CD63: variants seen among roughly 807,000 people sequenced by gnomAD.
CD63 encodes CD63 molecule.
Under a neutral mutation model 29.2 loss-of-function variants are expected in CD63, and 16 were observed. That is an observed-to-expected ratio of 0.55 (90% CI 0.37 to 0.83). CD63 has a LOEUF of 0.83. CD63 is among the 40% of genes least tolerant of loss of function. The probability of loss-of-function intolerance (pLI) is 0.00; values close to 1 mark genes in which losing one functional copy is unlikely to be tolerated. For synonymous variants in CD63, 118 were observed against 111.7 expected, an observed-to-expected ratio of 1.06 and a Z score of -0.36; for missense variants, 251 against 297.3, an observed-to-expected ratio of 0.84 and a Z score of 1.15.
downstream of CD63, chr12:55,724,089 C>T: frequency 6.3e-7 from 1 of 1,594,910 alleles, no homozygotes; most frequent in Non-Finnish European, 8.5e-7. Context: ...TGAAGGGAAA[C>T]AAGTACCAGA....
chr12:55,728,021 G>T lies in CD63; in HGVS notation c.66+255C>A. The T allele has an allele frequency of 2.2e-6, 2 of 913,450 alleles. No individual in the cohort carries two copies. The highest frequency in any genetic ancestry group is 3.1e-6 in the Non-Finnish European group (2 of 644,018). 56.6% of individuals were successfully genotyped at this position (913,450 alleles called of 1,614,324 possible). On this transcript the variant is annotated intron_variant, in intron 2 of 7. Coordinates refer to ENST00000257857, the MANE Select transcript of CD63 (RefSeq NM_001780.6). This position sits in a 1 kb window ranked among gnomAD's most constrained non-coding sequence, Gnocchi z 4.8. ...CCACTGCCCCATATCACAAGTGGTT[G>T]GGTCACCAGACAGGAAGGGCCAGGA... is the stretch of plus-strand genomic sequence containing the variant.
In CD63 at chr12:55,726,876, T is replaced by C; in HGVS notation, c.330+14A>G. 6.2e-7 allele frequency: 1 copy of C among 1,612,682 alleles called. No individual in the cohort carries two copies. Among genetic ancestry groups the C allele is most frequent in the Non-Finnish European group, 8.5e-7 (1 of 1,178,762 alleles). On this transcript the variant is annotated intron_variant, in intron 4 of 7. Transcript: ENST00000257857. ...CCCGGCTGAGGCAGGCCCTTCCCAT[T>C]ATTCCCTGCTTACCTTATCTCTAAA... is the stretch of plus-strand genomic sequence containing the variant.
At chr12:55,723,796 G>A (rs1877044899), downstream of CD63, 3 of 1,468,682 alleles carry the variant, frequency 2.0e-6, no homozygotes, top group South Asian at 3.4e-5. Context: ...CCTGGTCTGT[G>A]GTAACTTTCT....
intron 2 of CD63, chr12:55,727,598 C>T (rs1410536999): frequency 1.6e-6 from 2 of 1,260,954 alleles, no homozygotes; most frequent in African/African-American, 3.0e-5. Flanking sequence ...GACCTCAAGA[C>T]ACGTATTTCT....
At chr12:55,724,277 G>A, downstream of CD63, 1 of 1,602,204 alleles carries the variant, frequency 6.2e-7, no homozygotes. Flanking sequence ...AAGATGGGCT[G>A]GAGTGAGGAA....
In CD63 at chr12:55,728,462, C is replaced by T. The variant is rs1877665701; in HGVS notation, c.-11-110G>A. 1.3e-6 allele frequency: 2 copies of T among 1,505,278 alleles called. No homozygotes were observed. The highest frequency in any genetic ancestry group is 2.8e-5 in the African/African-American group (2 of 72,300). The allele number at this position is 1,505,278 out of a possible 1,614,324, so 93.2% of individuals were successfully genotyped here. Reference sequence around the variant, plus strand: ...TCCCTTCACGGCCCCGATTCCCGGCCCCTCCCACCCGGAAACCCGCGGTCG... The same window carrying T: ...TCCCTTCACGGCCCCGATTCCCGGCTCCTCCCACCCGGAAACCCGCGGTCG... On this transcript the variant is annotated intron_variant, in intron 1 of 7. Coordinates refer to ENST00000257857, the MANE Select transcript of CD63 (RefSeq NM_001780.6). This position sits in a 1 kb window ranked among gnomAD's most constrained non-coding sequence, Gnocchi z 4.8.
At chr12:55,725,766 A>C (rs1565657357) in intron 7 of CD63, 47 bp downstream of exon 7, 1 of 1,588,294 alleles carries the variant, frequency 6.3e-7, no homozygotes, top group African/African-American at 1.3e-5. Context: ...CCTTCCCTCC[A>C]GGCACCCTGG....
rs1213501001 is a variant in CD63, at chr12:55,726,713, C to T, written c.413G>A (p.Arg138Lys). 6.2e-7 allele frequency: 1 copy of T among 1,613,768 alleles called. No homozygotes were observed. ...AACCCCACTCACATCTGCCTGCATC[C>T]TGTCCAGGATCGAAGCAGTGTGGTT... Reference protein sequence around the residue: ...KNNHTASILDRMQADFKCCGA... With the variant: ...KNNHTASILDKMQADFKCCGA... The change falls in exon 5 of 8, where the codon AGG (arginine) becomes AAG (lysine). Residue 138 changes from arginine to lysine, a missense_variant. By Grantham distance (26) the Arg-to-Lys change is conservative. Coordinates refer to ENST00000257857, the MANE Select transcript of CD63 (RefSeq NM_001780.6).
chr12:55,726,463 C>A, intron 5 of CD63: 1 of 625,416 alleles, frequency 1.6e-6, no homozygotes, highest in Non-Finnish European at 2.7e-6. Flanking sequence ...TCCTGCCTCA[C>A]CCTCCTGAGT....
rs1355978666 is a variant in CD63 at position 55,726,128 on chromosome 12, T to C, written c.560A>G (p.His187Arg). ...CGINFNEKAI[H>R]KEGCVEKIGG... ...ACACAGTCTCCTCCCTACCTCCTTA[T>C]GGATCGCCTTCTCGTTGAAATTAAT... Residue 187 changes from histidine (H) to arginine (R), a missense_variant, in exon 6 of 8, where the codon CAT (histidine) becomes CGT (arginine). Transcript: ENST00000257857. 3.1e-6 allele frequency: 5 copies of C among 1,613,988 alleles called. No homozygotes were observed. Among genetic ancestry groups the C allele is most frequent in the Non-Finnish European group, 4.2e-6 (5 of 1,180,004 alleles).
downstream of CD63, chr12:55,724,394 A>G (rs1428192131): frequency 1.9e-6 from 3 of 1,614,188 alleles, no homozygotes; most frequent in Non-Finnish European, 2.5e-6. Context: ...CGATGCCTGG[A>G]GCATGCCCTG....
chr12:55,728,298 T>G lies in CD63; in HGVS notation c.44A>C (p.Tyr15Ser), dbSNP rs200749647. Reference sequence around the variant, plus strand: ...CACGCAAAAGGCCAGCAGGAGGACGTAGAGCAAGAACTTCACACATTTCAT... The same window carrying G: ...CACGCAAAAGGCCAGCAGGAGGACGGAGAGCAAGAACTTCACACATTTCAT... ...GGMKCVKFLL[Y>S]VLLLAFCACA... is the part of the protein sequence containing the mutation. Residue 15 changes from tyrosine (Y) to serine (S), a missense_variant, in exon 2 of 8, where the codon TAC becomes TCC. Physicochemically the swap from Tyr to Ser is moderately radical, Grantham distance 144. Coordinates refer to ENST00000257857, the MANE Select transcript of CD63 (RefSeq NM_001780.6). This position sits in a 1 kb window ranked among gnomAD's most constrained non-coding sequence, Gnocchi z 4.8. 1.2e-6 allele frequency: 2 copies of G among 1,611,210 alleles called. No homozygotes were observed. Among genetic ancestry groups the G allele is most frequent in the East Asian group, 2.2e-5 (1 of 44,782 alleles).
At chr12:55,727,478 G>T in intron 2 of CD63, 139 bp from the exon 3 acceptor site, 1 of 1,194,080 alleles carries the variant, frequency 8.4e-7, no homozygotes, top group Non-Finnish European at 1.1e-6. Context: ...AATTTCTTTG[G>T]CTGTGGGGTA....
chr12:55,729,013 T>G (rs960680029), upstream of CD63: 2 of 984,840 alleles, frequency 2.0e-6, no homozygotes, highest in Non-Finnish European at 2.4e-6. Context: ...GCTCTCTAGC[T>G]GCGCCCCCCG....
rs1877678040 is a variant in CD63 at position 55,728,556 on chromosome 12, C to A, written c.-11-204G>T. 5 of 1,425,930 alleles carry A rather than the reference C, an allele frequency of 3.5e-6. No homozygotes were observed. The highest frequency in any genetic ancestry group is 2.6e-5 in the East Asian group (1 of 39,060). 88.3% of individuals were successfully genotyped at this position (1,425,930 alleles called of 1,614,324 possible). A position where few individuals can be genotyped will look rare whatever the true frequency, so the allele number is the denominator to read the frequency against. ...GGGGGCGACGGCCGCGAAGCCCGGA[C>A]CCCGCCCCGCCGCCTCTGGGGCCCA... On this transcript the variant is annotated intron_variant, in intron 1 of 7. Transcript: ENST00000257857. The surrounding 1 kb of genome is among the most constrained non-coding windows in gnomAD (Gnocchi z 4.8).
rs1565660104 is a variant in CD63, at chr12:55,728,393, A to C, written c.-11-41T>G. ...GGGCGGGGGGATTAAAACTGGCCGA[A>C]GGGGGACCTCGGTTTCCGGGCTCCC... is the stretch of plus-strand genomic sequence containing the variant. On this transcript the variant is annotated intron_variant, in intron 1 of 7. Coordinates refer to ENST00000257857, the MANE Select transcript of CD63 (RefSeq NM_001780.6). This position sits in a 1 kb window ranked among gnomAD's most constrained non-coding sequence, Gnocchi z 4.8. 1 of 1,579,372 alleles carries C rather than the reference A, an allele frequency of 6.3e-7. No individual in the cohort carries two copies. The highest frequency in any genetic ancestry group is 1.2e-5 in the South Asian group (1 of 86,528).
downstream of CD63, chr12:55,724,367 A>C: frequency 6.2e-7 from 1 of 1,614,170 alleles, no homozygotes. Flanking sequence ...TGTGACCCGG[A>C]CCTAACCAAG....
chr12:55,724,277 G>T (rs1282076289), downstream of CD63: 2 of 1,602,084 alleles, frequency 1.2e-6, no homozygotes, highest in Non-Finnish European at 1.7e-6. Flanking sequence ...AAGATGGGCT[G>T]GAGTGAGGAA....
Position 55,727,243 on chromosome 12 carries a change from C to CCTCCGCCTCCCG in CD63, c.162_163insCGGGAGGCGGAG (p.Pro54_Val55insArgGluAlaGlu). ...AAGACACCCACTGCGATGATGACCA[C>CCTCCGCCTCCCG]TGGCAACAGAGAGCCAGGGGTAGCC... On this transcript the variant is annotated inframe_insertion, in exon 3 of 8. Transcript: ENST00000257857. 6.2e-7 allele frequency: 1 copy of CCTCCGCCTCCCG among 1,613,968 alleles called. No individual in the cohort carries two copies. The highest frequency in any genetic ancestry group is 8.5e-7 in the Non-Finnish European group (1 of 1,180,026).
Sources: gnomAD v4.1 joint callset for allele counts on GRCh38, gnomAD v4.1.1 for gene constraint, Gnocchi (gnomAD v3.1) non-coding constraint, MANE v1.5 for transcripts, NCBI Gene and HGNC (gene_info 2026-07-23, HGNC 2026-07-21) for gene names.